RAPGEF5: variants seen among roughly 807,000 people sequenced by gnomAD.
RAPGEF5 encodes Rap guanine nucleotide exchange factor 5, also known as M-Ras-regulated GEF.
In RAPGEF5, 65 loss-of-function variants were observed where a neutral mutation model predicts 125.2. The ratio of observed to expected loss-of-function variants is 0.52; its 90% confidence interval spans 0.43 to 0.64. RAPGEF5 has a LOEUF of 0.64. Ranked by LOEUF, RAPGEF5 falls within the 30% of genes least tolerant of loss-of-function variation. The probability of loss-of-function intolerance (pLI) is 0.00; values close to 1 mark genes in which losing one functional copy is unlikely to be tolerated. For synonymous variants in RAPGEF5, 391 were observed against 385.9 expected (o/e 1.01, Z -0.16); for missense variants, 958 against 1,048.1 (o/e 0.91, Z 1.19).
At chr7:22,288,012 C>T (rs1205988009) in intron 6 of RAPGEF5, among the ~76,000 whole-genome samples, 2 of 152,190 alleles carry the variant, frequency 1.3e-5, no homozygotes, top group South Asian at 2.1e-4. Flanking sequence ...ATTTTCGTTT[C>T]TAAATACCAC....
chr7:22,184,204 C>T (rs1348717261), intron 11 of RAPGEF5, among the ~76,000 whole-genome samples: 1 of 152,158 alleles, frequency 6.6e-6, no homozygotes, highest in African/African-American at 2.4e-5. Flanking sequence ...ATATACATTC[C>T]TATGCATTTA....
intron 9 of RAPGEF5, among the ~76,000 whole-genome samples, chr7:22,195,907 G>A (rs893017196): frequency 6.6e-6 from 1 of 152,112 alleles, no homozygotes; most frequent in Non-Finnish European, 1.5e-5. Context: ...TCTGAAGTAC[G>A]TTTTACATTC....
chr7:22,330,683 C>T (rs547092988), intron 1 of RAPGEF5, among the ~76,000 whole-genome samples: 19 of 152,284 alleles, frequency 1.2e-4, no homozygotes, highest in Admixed American at 1.2e-3. Context: ...ACTGCAAAGT[C>T]AAATATCAGT....
rs183746974 is a variant in RAPGEF5 at position 22,330,925 on chromosome 7, A to G, written c.232-12888T>C. Among the ~76,000 whole-genome samples the G allele has an allele frequency of 5.6e-3, 847 of 152,316 alleles. 2 individuals are homozygous for G. The highest frequency in any genetic ancestry group is 0.012 in the South Asian group (59 of 4,820). On this transcript the variant is annotated intron_variant, in intron 1 of 25. Transcript: ENST00000665637. ...ACTCACTCTGGGGTATGTAAACCGC[A>G]TATCAATTTTTAAATTAAAATCATG...
chr7:22,131,302 TG>T (rs939381117), intron 23 of RAPGEF5, among the ~76,000 whole-genome samples: 1 of 152,194 alleles, frequency 6.6e-6, no homozygotes, highest in Non-Finnish European at 1.5e-5. Context: ...TGTATATGTG[TG>T]TGTGTAAAAA....
rs1225577122 is a variant in RAPGEF5, at chr7:22,315,474, A to C, written c.285T>G (p.Ile95Met). 2 of 1,479,898 alleles carry C rather than the reference A, an allele frequency of 1.4e-6. No individual in the cohort carries two copies. The highest frequency in any genetic ancestry group is 1.8e-6 in the Non-Finnish European group (2 of 1,117,818). 91.7% of individuals were successfully genotyped at this position (1,479,898 alleles called of 1,614,324 possible). A position where few individuals can be genotyped will look rare whatever the true frequency, so the allele number is the denominator to read the frequency against. The change falls in exon 3 of 26, where the codon ATT becomes ATG. Residue 95 changes from isoleucine to methionine, a missense_variant and splice_region_variant. By Grantham distance (10) the Ile-to-Met change is conservative. Coordinates refer to ENST00000665637, the MANE Select transcript of RAPGEF5 (RefSeq NM_012294.5). Reference protein sequence around the residue: ...NPYLEHTPSQIYGENSSCAGR... With the variant: ...NPYLEHTPSQMYGENSSCAGR... Reference sequence around the variant, plus strand: ...CTGCACAAGAAGAATTCTCTCCATAAATCTAAATGGAAAAGACAGTCACTG... The same window carrying C: ...CTGCACAAGAAGAATTCTCTCCATACATCTAAATGGAAAAGACAGTCACTG...
Position 22,182,883 on chromosome 7 carries a change from C to T in RAPGEF5, c.1204+10484G>A, listed in dbSNP as rs1460891096. ...TTATGTTTCAAATGCAGCCTTCATC[C>T]TACGTCAAAGAGATTATATAGATGT... On this transcript the variant is annotated intron_variant, in intron 11 of 25. Coordinates refer to ENST00000665637, the MANE Select transcript of RAPGEF5 (RefSeq NM_012294.5). Among the ~76,000 whole-genome samples the T allele has an allele frequency of 2.0e-5, 3 of 152,248 alleles. No individual in the cohort carries two copies. In the East Asian group the frequency reaches 5.8e-4, roughly 29 times the overall value.
intron 7 of RAPGEF5, among the ~76,000 whole-genome samples, chr7:22,254,608 C>CAA (rs11330777): frequency 1.4e-4 from 12 of 82,960 alleles, no homozygotes; most frequent in East Asian, 3.3e-4. Context: ...AACTCCGTCT[C>CAA]AAAAAAAAAA....
chr7:22,210,660 C>G (rs942441834), intron 9 of RAPGEF5, among the ~76,000 whole-genome samples: 1 of 152,128 alleles, frequency 6.6e-6, no homozygotes, highest in Admixed American at 6.5e-5. Flanking sequence ...CTCACTTTGC[C>G]TCAGTCGTGC....
Position 22,214,100 on chromosome 7 carries a change from C to T in RAPGEF5, c.996+5766G>A, listed in dbSNP as rs139214718. On this transcript the variant is annotated intron_variant, in intron 9 of 25. Coordinates refer to ENST00000665637, the MANE Select transcript of RAPGEF5 (RefSeq NM_012294.5). ...TAATCCTTAAACAAGGAACCTTTGA[C>T]GTAGGCAGAATTCCAGGATGAGGCT... Among the ~76,000 whole-genome samples the T allele has an allele frequency of 1.6e-4, 25 of 152,256 alleles. 1 individual carries two copies. The highest frequency in any genetic ancestry group is 5.5e-4 in the African/African-American group (23 of 41,528).
At chr7:22,318,325 TG>T (rs1783644931) in intron 1 of RAPGEF5, among the ~76,000 whole-genome samples, 1 of 152,148 alleles carries the variant, frequency 6.6e-6, no homozygotes, top group African/African-American at 2.4e-5. Context: ...ACTTTATTCT[TG>T]ATGTGTTTTG....
chr7:22,179,456 T>C (rs551625575), intron 11 of RAPGEF5, among the ~76,000 whole-genome samples: 1 of 152,282 alleles, frequency 6.6e-6, no homozygotes, highest in Admixed American at 6.5e-5. Context: ...ATATCAGAGA[T>C]AATCCAAACC....
chr7:22,308,596 A>G, intron 4 of RAPGEF5, 89 bp from the exon 5 acceptor site: 2 of 1,047,230 alleles, frequency 1.9e-6, no homozygotes, highest in Non-Finnish European at 2.7e-6. Context: ...AAGCCCTAAT[A>G]ATTGGGAGCA....
chr7:22,356,763 C>G, intron 1 of RAPGEF5, 67 bp downstream of exon 1: 1 of 908,908 alleles, frequency 1.1e-6, no homozygotes, highest in Non-Finnish European at 1.4e-6. Flanking sequence ...CTCAGCGGCC[C>G]GGGGGGTGGG....
intron 25 of RAPGEF5, 59 bp from the exon 26 acceptor site, chr7:22,122,580 T>A: frequency 7.0e-6 from 9 of 1,293,242 alleles, no homozygotes; most frequent in South Asian, 1.2e-5. Flanking sequence ...TGTATCTACA[T>A]ACCAACAAAA....
At chr7:22,326,745 A>T (rs1481026987) in intron 1 of RAPGEF5, among the ~76,000 whole-genome samples, 2 of 152,232 alleles carry the variant, frequency 1.3e-5, no homozygotes, top group Non-Finnish European at 2.9e-5. Flanking sequence ...CAAAAAGTAG[A>T]AGTACTAGTA....
intron 16 of RAPGEF5, 136 bp downstream of exon 16, chr7:22,156,674 G>T: frequency 7.4e-7 from 1 of 1,357,040 alleles, no homozygotes; most frequent in Non-Finnish European, 9.9e-7. Context: ...GAAAAACCAT[G>T]CTGTTTGAGG....
chr7:22,151,590 G>A (rs925084210), intron 17 of RAPGEF5, among the ~76,000 whole-genome samples: 3 of 150,960 alleles, frequency 2.0e-5, no homozygotes, highest in South Asian at 2.1e-4. Flanking sequence ...TCAGCCTCCC[G>A]AGTAGCTGAG....
In RAPGEF5 at chr7:22,266,793, T is replaced by C. The variant is rs779007441; in HGVS notation, c.796+171A>G. Reference sequence around the variant, plus strand: ...TTATCTTAAAGAACTACATATAACATCCTGTGCTATTCTGATGGTAGAACA... The same window carrying C: ...TTATCTTAAAGAACTACATATAACACCCTGTGCTATTCTGATGGTAGAACA... On this transcript the variant is annotated intron_variant, in intron 7 of 25. Coordinates refer to ENST00000665637, the MANE Select transcript of RAPGEF5 (RefSeq NM_012294.5). Among the ~76,000 whole-genome samples, 7 of 152,316 alleles carry C rather than the reference T, an allele frequency of 4.6e-5. 1 individual carries two copies. In the Middle Eastern group the frequency reaches 0.014, roughly 296 times the overall value.
Sources: allele counts gnomAD v4.1 joint callset (sites outside exome capture counted in the v4.1 genomes callset), GRCh38; gene constraint gnomAD v4.1.1; transcripts MANE v1.5; gene names NCBI Gene and HGNC (gene_info 2026-07-23, HGNC 2026-07-21).